Variants in MTFMT observed in about 807,000 individuals in gnomAD.
MTFMT encodes methionyl-tRNA formyltransferase, mitochondrial.
Under a neutral mutation model 51.8 loss-of-function variants are expected in MTFMT, and 47 were observed. That is an observed-to-expected ratio of 0.91 (90% CI 0.72 to 1.16). The LOEUF (loss-of-function observed/expected upper bound fraction) is 1.16. Ranked by LOEUF, MTFMT falls within the 50% of genes most tolerant of loss-of-function variation. MTFMT has a pLI of 0.00. For missense variants in MTFMT, 512 were observed against 482.3 expected (o/e 1.06, Z -0.58); for synonymous variants, 196 against 176.7 (o/e 1.11, Z -0.87).
rs897472524 is a variant in MTFMT, at chr15:65,029,627, G to A, written c.-14C>T. The A allele has an allele frequency of 4.3e-6, 6 of 1,381,330 alleles. No individual in the cohort carries two copies. The highest frequency in any genetic ancestry group is 5.6e-6 in the Non-Finnish European group (6 of 1,065,830). 85.6% of individuals were successfully genotyped at this position (1,381,330 alleles called of 1,614,324 possible). A position where few individuals can be genotyped will look rare whatever the true frequency, so the allele number is the denominator to read the frequency against. On this transcript the variant is annotated 5_prime_UTR_variant, in exon 1 of 9. Coordinates refer to ENST00000220058, the MANE Select transcript of MTFMT (RefSeq NM_139242.4). ...CAACACCCTCATCGCCTCGGCCGCC[G>A]GCGGCCGGCCCTGCGCAGGCGCATC...
At chr15:65,022,812 T>A (rs542090925) in intron 3 of MTFMT, among the ~76,000 whole-genome samples, 1 of 151,606 alleles carries the variant, frequency 6.6e-6, no homozygotes, top group South Asian at 2.1e-4. Flanking sequence ...GCTGAAGAGA[T>A]CCTCTCACCT....
At chr15:65,015,200 T>C (rs2086309360) in intron 6 of MTFMT, among the ~76,000 whole-genome samples, 1 of 152,088 alleles carries the variant, frequency 6.6e-6, no homozygotes, top group South Asian at 2.1e-4. Flanking sequence ...TCTACGACGT[T>C]AGGAAGTAGC....
At chr15:65,007,433 T>A (rs1056590559) in intron 6 of MTFMT, among the ~76,000 whole-genome samples, 3 of 152,248 alleles carry the variant, frequency 2.0e-5, no homozygotes, top group African/African-American at 7.2e-5. Flanking sequence ...TAACCCATTT[T>A]ATGAATATGT....
chr15:65,014,814 T>A (rs1319915284), intron 6 of MTFMT, among the ~76,000 whole-genome samples: 1 of 151,220 alleles, frequency 6.6e-6, no homozygotes, highest in Non-Finnish European at 1.5e-5. Flanking sequence ...GTGTTTTTAG[T>A]AGAGACAGGG....
intron 7 of MTFMT, 22 bp downstream of exon 7, chr15:65,006,091 T>C: frequency 6.4e-7 from 1 of 1,564,552 alleles, no homozygotes; most frequent in African/African-American, 1.4e-5. Flanking sequence ...AGCTTCCATG[T>C]TAGCTATTCA....
rs78835455 is a variant in MTFMT at position 65,015,209 on chromosome 15, G to A, written c.813+1227C>T. 6.7e-3 allele frequency among the ~76,000 whole-genome samples: 1,023 copies of A among 152,226 alleles called. 6 individuals are homozygous for A. The highest frequency in any genetic ancestry group is 0.014 in the Middle Eastern group (4 of 294). On this transcript the variant is annotated intron_variant, in intron 6 of 8. Coordinates refer to ENST00000220058, the MANE Select transcript of MTFMT (RefSeq NM_139242.4). ...CCTGAGTCTACGACGTTAGGAAGTA[G>A]CAGAGTCAAGATGGAACCCAGCACT...
At chr15:65,027,386 G>A (rs760131983) in intron 1 of MTFMT, among the ~76,000 whole-genome samples, 3 of 151,868 alleles carry the variant, frequency 2.0e-5, no homozygotes, top group Non-Finnish European at 4.4e-5. Context: ...TTTAGTGGAG[G>A]CAGGGTTTCC....
intron 1 of MTFMT, among the ~76,000 whole-genome samples, chr15:65,027,267 A>C (rs1045214643): frequency 2.7e-5 from 4 of 149,622 alleles, no homozygotes; most frequent in Non-Finnish European, 5.9e-5. Flanking sequence ...GAGCGATCTC[A>C]GCTCACTGCA....
intron 3 of MTFMT, among the ~76,000 whole-genome samples, chr15:65,023,199 A>C (rs12908525): frequency 0.35 from 52,718 of 152,036 alleles, 10,582 homozygotes; most frequent in South Asian, 0.5. Flanking sequence ...AATTGTTCTA[A>C]ATTGTTTCTA....
At chr15:65,012,396 A>G (rs769557908) in intron 6 of MTFMT, among the ~76,000 whole-genome samples, 1 of 152,042 alleles carries the variant, frequency 6.6e-6, no homozygotes, top group Non-Finnish European at 1.5e-5. Context: ...GTTTATTTCT[A>G]GACTTTTAAA....
intron 7 of MTFMT, among the ~76,000 whole-genome samples, chr15:65,005,898 G>A (rs567927469): frequency 2.0e-4 from 31 of 152,154 alleles, no homozygotes; most frequent in East Asian, 3.8e-4. Context: ...GTGAGCCACC[G>A]CGCCTGGCCT....
At chr15:65,025,704 G>A (rs748436212) in intron 2 of MTFMT, among the ~76,000 whole-genome samples, 109 of 152,276 alleles carry the variant, frequency 7.2e-4, no homozygotes, top group Admixed American at 1.2e-3. Context: ...AAGATTTTAG[G>A]AGATGCTTTG....
At chr15:65,005,011 C>A (rs1238452764) in intron 7 of MTFMT, 75 bp from the exon 8 acceptor site, 13 of 1,035,612 alleles carry the variant, frequency 1.3e-5, no homozygotes, top group African/African-American at 1.6e-5. Context: ...TCTTAAAAAT[C>A]AAAAAACATC....
intron 6 of MTFMT, among the ~76,000 whole-genome samples, chr15:65,012,328 G>T (rs1208748504): frequency 6.6e-6 from 1 of 150,986 alleles, no homozygotes; most frequent in African/African-American, 2.4e-5. Context: ...ATAATAAAAA[G>T]AACTATCTTT....
intron 6 of MTFMT, among the ~76,000 whole-genome samples, chr15:65,012,927 G>A (rs1346823194): frequency 6.6e-6 from 1 of 152,036 alleles, no homozygotes; most frequent in African/African-American, 2.4e-5. Context: ...TGTTGAATCT[G>A]TACATCAACT....
chr15:65,012,851 T>C (rs575008735), intron 6 of MTFMT, among the ~76,000 whole-genome samples: 12 of 152,316 alleles, frequency 7.9e-5, no homozygotes, highest in African/African-American at 2.9e-4. Context: ...CAATTCTGTA[T>C]ACATTTTAGG....
chr15:65,029,514 A>C lies in MTFMT; in HGVS notation c.100T>G (p.Trp34Gly). ...ACTCTGGAGTCCCGGCAGTCCTCCC[A>C]GCCGAGTCGGGCCAGTGCTCGCCAC... Reference protein sequence around the residue: ...PQWRALARLGWEDCRDSRVRE... With the variant: ...PQWRALARLGGEDCRDSRVRE... The change falls in exon 1 of 9, where the codon TGG becomes GGG. Residue 34 changes from tryptophan to glycine, a missense_variant. Trp to Gly is a radical substitution (Grantham distance 184). Transcript: ENST00000220058. 2.0e-6 allele frequency: 3 copies of C among 1,530,630 alleles called. No individual in the cohort carries two copies. The highest frequency in any genetic ancestry group is 2.6e-6 in the Non-Finnish European group (3 of 1,140,604). The allele number at this position is 1,530,630 out of a possible 1,614,324, so 94.8% of individuals were successfully genotyped here.
At chr15:65,020,143 A>C (rs1235629163) in intron 5 of MTFMT, 54 bp downstream of exon 5, 2 of 1,508,758 alleles carry the variant, frequency 1.3e-6, no homozygotes, top group Non-Finnish European at 1.8e-6. Flanking sequence ...TTCAGATGCT[A>C]TCGTGACAAG....
chr15:65,019,221 T>C (rs919362460), intron 5 of MTFMT, among the ~76,000 whole-genome samples: 1 of 152,212 alleles, frequency 6.6e-6, no homozygotes. Context: ...TGATCAAACT[T>C]AGCTTCACTT....
Sources: allele counts gnomAD v4.1 joint callset (sites outside exome capture counted in the v4.1 genomes callset), GRCh38; gene constraint gnomAD v4.1.1; transcripts MANE v1.5; gene names NCBI Gene and HGNC (gene_info 2026-07-23, HGNC 2026-07-21).